Variants in DYM observed in about 807,000 individuals in gnomAD.
The protein encoded by DYM is dymeclin.
DYM carries 78 observed loss-of-function variants against 93.1 expected under a neutral mutation model. The ratio of observed to expected loss-of-function variants is 0.84; its 90% CI spans 0.70 to 1.01. The LOEUF (loss-of-function observed/expected upper bound fraction) is 1.01. Ranked by LOEUF, DYM falls within the 50% of genes least tolerant of loss-of-function variation. The pLI is 0.00. For synonymous variants in DYM, 321 were observed against 319.7 expected, an observed-to-expected ratio of 1.00 and a Z score of -0.04; for missense variants, 789 against 845.0, an observed-to-expected ratio of 0.93 and a Z score of 0.82.
intron 10 of DYM, among the ~76,000 whole-genome samples, chr18:49,273,110 C>G (rs749066232): frequency 6.6e-6 from 1 of 152,124 alleles, no homozygotes; most frequent in Non-Finnish European, 1.5e-5. Flanking sequence ...TATGCAAAGC[C>G]CACCAAAACA....
intron 3 of DYM, 93 bp downstream of exon 3, chr18:49,391,500 G>C: frequency 1.6e-6 from 2 of 1,231,798 alleles, no homozygotes; most frequent in Non-Finnish European, 2.4e-6. Context: ...TATCAAAGAA[G>C]AGTAATTACT....
chr18:49,289,160 T>C (rs935400814), intron 8 of DYM, among the ~76,000 whole-genome samples: 4 of 152,052 alleles, frequency 2.6e-5, no homozygotes, highest in African/African-American at 9.7e-5. Context: ...CTGTTAAGTG[T>C]TCTTGGGACA....
intron 17 of DYM, among the ~76,000 whole-genome samples, chr18:49,062,241 A>C (rs1332504616): frequency 6.6e-6 from 1 of 152,222 alleles, no homozygotes; most frequent in Non-Finnish European, 1.5e-5. Flanking sequence ...TATTCTATAC[A>C]TTTTAATCTG....
chr18:49,262,802 C>T (rs977124453), intron 11 of DYM, among the ~76,000 whole-genome samples: 7 of 152,056 alleles, frequency 4.6e-5, no homozygotes, highest in Middle Eastern at 3.4e-3. Context: ...CTACTTCATT[C>T]CTTGTAACCA....
intron 15 of DYM, among the ~76,000 whole-genome samples, chr18:49,160,315 T>C (rs1171729328): frequency 6.6e-6 from 1 of 152,196 alleles, no homozygotes; most frequent in Non-Finnish European, 1.5e-5. Context: ...ACCAACATAG[T>C]TGCACTAAAG....
At position 49,286,483 on chromosome 18, in the gene DYM, A is replaced by G; in HGVS notation, c.897T>C (p.Asp299=). The G allele has an allele frequency of 6.2e-7, 1 of 1,614,170 alleles. No individual in the cohort carries two copies. Among genetic ancestry groups the G allele is most frequent in the Non-Finnish European group, 8.5e-7 (1 of 1,179,996 alleles). The change falls in exon 9 of 18, where the codon GAT becomes GAC. Residue 299 remains aspartate, a synonymous_variant. Transcript: ENST00000675505. ...TGGCTTGTCTGTAGGGGTTTGGCGC[A>G]TCTGAGGCATCTGTCAGATTGGCCA... The part of the protein sequence containing the change: ...LVLANLTDAS[D]APNPYRQAIM...
At chr18:49,258,973 G>A (rs1192460511) in intron 11 of DYM, among the ~76,000 whole-genome samples, 1 of 81,946 alleles carries the variant, frequency 1.2e-5, no homozygotes, top group African/African-American at 4.0e-5. Flanking sequence ...GTAAAATGGG[G>A]GAAAAAACAA....
At chr18:49,348,191 G>A (rs1180485777) in intron 6 of DYM, among the ~76,000 whole-genome samples, 2 of 152,192 alleles carry the variant, frequency 1.3e-5, no homozygotes, top group East Asian at 3.8e-4. Context: ...TATTGGATAA[G>A]AAACCTGATG....
chr18:49,061,719 G>A, intron 17 of DYM, among the ~76,000 whole-genome samples: 1 of 152,222 alleles, frequency 6.6e-6, no homozygotes, highest in Non-Finnish European at 1.5e-5. Context: ...TGCCACCAGG[G>A]TGAGTGGGCA....
intron 14 of DYM, among the ~76,000 whole-genome samples, chr18:49,204,867 G>T (rs947796130): frequency 2.6e-5 from 4 of 152,294 alleles, no homozygotes; most frequent in Non-Finnish European, 5.9e-5. Flanking sequence ...AATGCTTCTG[G>T]GGGTAAAATG....
At position 49,441,382 on chromosome 18, in the gene DYM, A is replaced by G. The variant is rs186737723; in HGVS notation, c.-53-10935T>C. Among the ~76,000 whole-genome samples, 239 of 111,962 alleles carry G rather than the reference A, an allele frequency of 2.1e-3. 3 individuals are homozygous for G. Among genetic ancestry groups the G allele is most frequent in the Admixed American group, 0.017 (114 of 6,846 alleles). The allele number at this position is 111,962 out of a possible 152,430, so 73.5% of individuals were successfully genotyped here. A position where few individuals can be genotyped will look rare whatever the true frequency, so the allele number is the denominator to read the frequency against. ...TATATTATATATATGGATTGTGTGT[A>G]CAAACACACATATATGCCCCACTTG... On this transcript the variant is annotated intron_variant, in intron 1 of 17. Transcript: ENST00000675505.
intron 15 of DYM, among the ~76,000 whole-genome samples, chr18:49,138,784 T>C (rs1006675002): frequency 7.9e-5 from 12 of 152,084 alleles, no homozygotes; most frequent in Non-Finnish European, 1.5e-4. Flanking sequence ...AAAGGGAGGA[T>C]AGGTAAGTAT....
chr18:49,217,578 G>T (rs1184177182), intron 13 of DYM, among the ~76,000 whole-genome samples: 1 of 152,228 alleles, frequency 6.6e-6, no homozygotes, highest in Non-Finnish European at 1.5e-5. Flanking sequence ...CCACAAGCCA[G>T]AAGAGAGTGG....
intron 15 of DYM, among the ~76,000 whole-genome samples, chr18:49,132,277 A>G (rs1675063252): frequency 1.3e-5 from 2 of 152,194 alleles, no homozygotes; most frequent in Admixed American, 1.3e-4. Flanking sequence ...TGCAGAAACA[A>G]GGTAATGAGA....
chr18:49,044,274 A>G (rs111641428), intron 17 of DYM, 70 bp from the exon 18 acceptor site: 35,936 of 1,587,376 alleles, frequency 0.023, 654 homozygotes, highest in South Asian at 0.07. Context: ...GAGAGTTTGC[A>G]GGTGGTGCTG....
At chr18:49,086,601 T>A (rs2078551961) in intron 17 of DYM, among the ~76,000 whole-genome samples, 1 of 152,192 alleles carries the variant, frequency 6.6e-6, no homozygotes, top group Non-Finnish European at 1.5e-5. Flanking sequence ...ATATGTGGAA[T>A]CCTAATCTCC....
chr18:49,096,714 T>G (rs2079577088), intron 17 of DYM, among the ~76,000 whole-genome samples: 1 of 152,240 alleles, frequency 6.6e-6, no homozygotes. Context: ...GCTTCAGGAA[T>G]ACATCTATCA....
chr18:49,153,968 T>C (rs982941473), intron 15 of DYM, among the ~76,000 whole-genome samples: 2 of 152,188 alleles, frequency 1.3e-5, no homozygotes, highest in African/African-American at 2.4e-5. Flanking sequence ...CTTAGCAAAA[T>C]GGTCAAGGTA....
intron 16 of DYM, among the ~76,000 whole-genome samples, chr18:49,105,377 T>G (rs940737038): frequency 6.6e-6 from 1 of 152,232 alleles, no homozygotes. Flanking sequence ...TTCATTGATT[T>G]TTTGAAGGGT....
Sources: allele counts gnomAD v4.1 joint callset (sites outside exome capture counted in the v4.1 genomes callset), GRCh38; gene constraint gnomAD v4.1.1; transcripts MANE v1.5; gene names NCBI Gene and HGNC (gene_info 2026-07-23, HGNC 2026-07-21).